Variants in SYT2 observed in about 807,000 individuals in gnomAD.
SYT2 encodes the protein synaptotagmin 2, also known as synaptotagmin-2.
In SYT2, 15 loss-of-function variants were observed where a neutral mutation model predicts 39.9. That is an observed-to-expected ratio of 0.38 (90% CI 0.25 to 0.58). The LOEUF is 0.58. Among genes scored for constraint, SYT2 ranks in the 20% least tolerant of loss-of-function variants. The pLI is 0.70. For synonymous variants in SYT2, 181 were observed against 204.5 expected (o/e 0.89, Z 0.98); for missense variants, 389 against 530.3 (o/e 0.73, Z 2.62).
In SYT2 at chr1:202,645,232, G is replaced by A. The variant is rs533131444; in HGVS notation, c.-17-39443C>T. ...TTTCCCCCCACTCTGCTACACTCCC[G>A]TAACCTACCCCCACCTCGTCATCCC... is the stretch of plus-strand genomic sequence containing the variant. On this transcript the variant is annotated intron_variant, in intron 1 of 8. Transcript: ENST00000367268. Among the ~76,000 whole-genome samples, 12 of 152,260 alleles carry A rather than the reference G, an allele frequency of 7.9e-5. No individual in the cohort carries two copies. In the South Asian group the frequency reaches 1.9e-3, roughly 24 times the overall value.
At chr1:202,672,228 G>A (rs1449568768) in intron 1 of SYT2, among the ~76,000 whole-genome samples, 1 of 152,368 alleles carries the variant, frequency 6.6e-6, no homozygotes. Flanking sequence ...TGGACTGAAT[G>A]TTTGCGTCCT....
At chr1:202,626,903 T>A (rs1007639209) in intron 1 of SYT2, among the ~76,000 whole-genome samples, 4 of 152,214 alleles carry the variant, frequency 2.6e-5, no homozygotes, top group Admixed American at 6.5e-5. Context: ...ACAGGGATGT[T>A]ATGAGGATTG....
rs534232012 is a variant in SYT2, at chr1:202,671,085, A to C, written c.-18+39173T>G. On this transcript the variant is annotated intron_variant, in intron 1 of 8. Transcript: ENST00000367268. ...CGGCGATCAGCTAGCCTAATGAAGC[A>C]GTCAGACCAGCAAAACTCCCATCTG... Among the ~76,000 whole-genome samples, 18 of 152,352 alleles carry C rather than the reference A, an allele frequency of 1.2e-4. 1 individual carries two copies. In the South Asian group the frequency reaches 3.7e-3, roughly 32 times the overall value.
chr1:202,702,727 G>A (rs1284748203), intron 1 of SYT2, among the ~76,000 whole-genome samples: 1 of 152,212 alleles, frequency 6.6e-6, no homozygotes, highest in Non-Finnish European at 1.5e-5. Context: ...CTATGACCGG[G>A]CCGTCACTTG....
At chr1:202,639,741 T>C in intron 1 of SYT2, 1 of 985,448 alleles carries the variant, frequency 1.0e-6, no homozygotes, top group Non-Finnish European at 1.2e-6. Context: ...AGCTCTTCCT[T>C]TCTCCAGGCC....
At chr1:202,676,912 C>A (rs1572673508) in intron 1 of SYT2, among the ~76,000 whole-genome samples, 1 of 152,174 alleles carries the variant, frequency 6.6e-6, no homozygotes, top group South Asian at 2.1e-4. Flanking sequence ...TGGGAGGTGA[C>A]TGAATCATGG....
At chr1:202,603,390 T>C (rs917367297) in intron 3 of SYT2, among the ~76,000 whole-genome samples, 15 of 152,182 alleles carry the variant, frequency 9.9e-5, no homozygotes, top group African/African-American at 3.6e-4. Context: ...CACTGTGCTA[T>C]GGGACCAGGC....
chr1:202,629,099 C>T (rs1437953293), intron 1 of SYT2, among the ~76,000 whole-genome samples: 1 of 152,240 alleles, frequency 6.6e-6, no homozygotes, highest in African/African-American at 2.4e-5. Flanking sequence ...AGAGGTGGGG[C>T]AGCCTCTCTG....
intron 1 of SYT2, among the ~76,000 whole-genome samples, chr1:202,634,198 CT>C (rs1205660895): frequency 1.3e-5 from 2 of 152,178 alleles, no homozygotes; most frequent in African/African-American, 4.8e-5. Flanking sequence ...AGAACAGAGC[CT>C]AGTAATATAA....
In SYT2 at chr1:202,601,767, G is replaced by T. The variant is rs1281189612; in HGVS notation, c.801+123C>A. The T allele has an allele frequency of 1.5e-5, 15 of 1,026,480 alleles. No individual in the cohort carries two copies. The highest frequency in any genetic ancestry group is 2.0e-5 in the Non-Finnish European group (14 of 689,380). The allele number at this position is 1,026,480 out of a possible 1,614,324, so 63.6% of individuals were successfully genotyped here. A position where few individuals can be genotyped will look rare whatever the true frequency, so the allele number is the denominator to read the frequency against. On this transcript the variant is annotated intron_variant, in intron 6 of 8. Coordinates refer to ENST00000367268, the MANE Select transcript of SYT2 (RefSeq NM_177402.5). The surrounding 1 kb of genome is among the most constrained non-coding windows in gnomAD (Gnocchi z 4.0). Reference sequence around the variant, plus strand: ...CAGGGTCACACAGCCAGGCAGTGTGGAGCTGGGATCCTAACACAGGTCGTC... The same window carrying T: ...CAGGGTCACACAGCCAGGCAGTGTGTAGCTGGGATCCTAACACAGGTCGTC...
chr1:202,703,586 C>A (rs990131247), intron 1 of SYT2, among the ~76,000 whole-genome samples: 1 of 152,150 alleles, frequency 6.6e-6, no homozygotes, highest in Non-Finnish European at 1.5e-5. Context: ...ACTCTCCTAA[C>A]CCCTGCCAAG....
At chr1:202,709,035 G>A (rs1654323053) in intron 1 of SYT2, among the ~76,000 whole-genome samples, 1 of 152,212 alleles carries the variant, frequency 6.6e-6, no homozygotes, top group Admixed American at 6.5e-5. Flanking sequence ...GTAGGGGAGG[G>A]AGAAGGGCAC....
chr1:202,644,085 T>G (rs536822270), intron 1 of SYT2, among the ~76,000 whole-genome samples: 2 of 152,052 alleles, frequency 1.3e-5, no homozygotes, highest in East Asian at 3.9e-4. Flanking sequence ...GAAGGGGAGC[T>G]GGGGAGTTCG....
intron 1 of SYT2, among the ~76,000 whole-genome samples, chr1:202,698,113 C>T (rs1558465701): frequency 2.6e-5 from 2 of 76,910 alleles, no homozygotes; most frequent in Non-Finnish European, 6.6e-5. Context: ...GGTCTCACCA[C>T]CCCCCCAAGG....
In SYT2 at chr1:202,593,419, C is replaced by G. The variant is rs369465498; in HGVS notation, c.*3338G>C. The G allele has an allele frequency of 6.6e-6, 1 of 152,226 alleles. No homozygotes were observed. The highest frequency in any genetic ancestry group is 1.9e-4 in the East Asian group (1 of 5,196). 9.4% of individuals were successfully genotyped at this position (152,226 alleles called of 1,614,324 possible). ...GGCTGTAGTGACCTCTCTTCTCCCTCTCGCTGAAGCCTTGGGCCAGCAAAA... is the reference window on the plus strand; with the variant it reads ...GGCTGTAGTGACCTCTCTTCTCCCTGTCGCTGAAGCCTTGGGCCAGCAAAA... On this transcript the variant is annotated 3_prime_UTR_variant, in exon 9 of 9. Transcript: ENST00000367268.
chr1:202,654,517 C>T (rs1692246464), intron 1 of SYT2, among the ~76,000 whole-genome samples: 1 of 152,208 alleles, frequency 6.6e-6, no homozygotes, highest in East Asian at 1.9e-4. Flanking sequence ...TGTTAATTGC[C>T]TACTTCATGT....
chr1:202,666,812 T>C (rs1262008894), intron 1 of SYT2, among the ~76,000 whole-genome samples: 1 of 152,130 alleles, frequency 6.6e-6, no homozygotes, highest in Non-Finnish European at 1.5e-5. Flanking sequence ...CAAAACCCCG[T>C]CTCTACCAGA....
At chr1:202,676,456 G>A (rs1267267992) in intron 1 of SYT2, among the ~76,000 whole-genome samples, 4 of 152,134 alleles carry the variant, frequency 2.6e-5, no homozygotes, top group African/African-American at 9.7e-5. Context: ...ACAACACCTA[G>A]CATGCAGACC....
rs1690213817 is a variant in SYT2, at chr1:202,594,199, C to T, written c.*2558G>A. 6.6e-6 allele frequency: 1 copy of T among 152,330 alleles called. No individual in the cohort carries two copies. Among genetic ancestry groups the T allele is most frequent in the Non-Finnish European group, 1.5e-5 (1 of 68,098 alleles). 9.4% of individuals were successfully genotyped at this position (152,330 alleles called of 1,614,324 possible). On this transcript the variant is annotated 3_prime_UTR_variant, in exon 9 of 9. Transcript: ENST00000367268. ...AATCACTCAGCAACCTGTCCCCACCCCTCAAGGCTCCTCACTAGCAGTGGG... is the reference window on the plus strand; with the variant it reads ...AATCACTCAGCAACCTGTCCCCACCTCTCAAGGCTCCTCACTAGCAGTGGG...
Sources: allele counts gnomAD v4.1 joint callset (sites outside exome capture counted in the v4.1 genomes callset), GRCh38; gene constraint gnomAD v4.1.1; non-coding constraint Gnocchi (gnomAD v3.1); transcripts MANE v1.5; gene names NCBI Gene and HGNC (gene_info 2026-07-23, HGNC 2026-07-21).